ZNF276: variants seen among roughly 807,000 people sequenced by gnomAD.
The protein encoded by ZNF276 is centromere protein Z.
In ZNF276, 59 loss-of-function variants were observed where a neutral mutation model predicts 63.9. That is an observed-to-expected ratio of 0.92 (90% confidence interval 0.75 to 1.15). The LOEUF (loss-of-function observed/expected upper bound fraction) is 1.15, where lower values mean the gene tolerates loss of function less well. Ranked by LOEUF, ZNF276 falls within the 50% of genes most tolerant of loss-of-function variation. The probability of loss-of-function intolerance (pLI) is 0.00; values close to 1 mark genes in which losing one functional copy is unlikely to be tolerated. For missense variants in ZNF276, 1,084 were observed against 843.8 expected (o/e 1.28, Z -3.53); for synonymous variants, 496 against 348.4 (o/e 1.42, Z -4.72).
In ZNF276 at chr16:89,729,217, TTCTC is replaced by T; in HGVS notation, c.1086-14_1086-11del. 6.2e-7 allele frequency: 1 copy of T among 1,612,608 alleles called. No individual in the cohort carries two copies. Among genetic ancestry groups the T allele is most frequent in the Non-Finnish European group, 8.5e-7 (1 of 1,178,646 alleles). ...CCCAGGCCCAGGGCTTTGCTGAAGA[TTCTC>T]TCTTAATTCCTAGAGACGTCTTGAG... On this transcript the variant is annotated splice_polypyrimidine_tract_variant and intron_variant, in intron 5 of 10. Transcript: ENST00000443381.
Position 89,722,840 on chromosome 16 carries a change from C to A in ZNF276, c.509+6C>A, listed in dbSNP as rs764920229. The A allele has an allele frequency of 2.5e-6, 4 of 1,599,992 alleles. No individual in the cohort carries two copies. The highest frequency in any genetic ancestry group is 2.2e-5 in the East Asian group (1 of 44,868). ...CGCCGGAAGCCTTGTGCAAAGTACGCCCTAGTCTGTTCAGAGCACGTTCAG... is the reference window on the plus strand; with the variant it reads ...CGCCGGAAGCCTTGTGCAAAGTACGACCTAGTCTGTTCAGAGCACGTTCAG... On this transcript the variant is annotated splice_donor_region_variant and intron_variant, in intron 2 of 10. Coordinates refer to ENST00000443381, the MANE Select transcript of ZNF276 (RefSeq NM_001113525.2).
rs375783258 is a variant in ZNF276, at chr16:89,734,438, G to A, written c.1474+400G>A. ...CCTCCCAGGTTCAATCAATTCTCCCGCCTCAGCCTCCCAAGTAGCTGGGAT... is the reference window on the plus strand; with the variant it reads ...CCTCCCAGGTTCAATCAATTCTCCCACCTCAGCCTCCCAAGTAGCTGGGAT... On this transcript the variant is annotated intron_variant, in intron 9 of 10. Transcript: ENST00000443381. Among the ~76,000 whole-genome samples, 7 of 152,052 alleles carry A rather than the reference G, an allele frequency of 4.6e-5. No individual in the cohort carries two copies. The East Asian group carries it at 1.2e-3, about 25-fold the overall frequency.
chr16:89,722,763 C>T lies in ZNF276; in HGVS notation c.438C>T (p.Cys146=), dbSNP rs761889476. 6.2e-6 allele frequency: 10 copies of T among 1,610,692 alleles called. No individual in the cohort carries two copies. The Admixed American group carries it at 6.7e-5, about 11-fold the overall frequency. The change falls in exon 2 of 11, where the codon TGC becomes TGT. Residue 146 remains cysteine, a synonymous_variant. Coordinates refer to ENST00000443381, the MANE Select transcript of ZNF276 (RefSeq NM_001113525.2). ...GCTGCCACGCCCAGTTCTACCAGTG[C>T]CACAGCCTTCTCAAGTCCTTCCTGC... ...CKSCHAQFYQ[C]HSLLKSFLQR...
Position 89,722,664 on chromosome 16 carries a change from C to A in ZNF276, c.339C>A (p.Leu113=). 1 of 1,612,326 alleles carries A rather than the reference C, an allele frequency of 6.2e-7. No homozygotes were observed. Among genetic ancestry groups the A allele is most frequent in the Non-Finnish European group, 8.5e-7 (1 of 1,180,024 alleles). ...GGCCATCCGCAGAGGAGCGCGTGCT[C>A]GTACGGGACTTCCAGCGCCTGCTTG... ...MERPSAEERV[L]VRDFQRLLGV... The change falls in exon 2 of 11, where the codon CTC becomes CTA. Residue 113 remains leucine (L), a synonymous_variant. Coordinates refer to ENST00000443381, the MANE Select transcript of ZNF276 (RefSeq NM_001113525.2).
rs1567564437 is a variant in ZNF276, at chr16:89,723,386, T to C, written c.683T>C (p.Ile228Thr). 1 of 1,613,016 alleles carries C rather than the reference T, an allele frequency of 6.2e-7. No homozygotes were observed. Among genetic ancestry groups the C allele is most frequent in the South Asian group, 1.1e-5 (1 of 91,086 alleles). ...CTGTCCTCCGAGTACTGCGGCGTCA[T>C]CCAGGTCGTGTGGGGCTGCGACCAG... Reference protein sequence around the residue: ...RTLSSEYCGVIQVVWGCDQGH... With the variant: ...RTLSSEYCGVTQVVWGCDQGH... The change falls in exon 4 of 11, where the codon ATC (isoleucine) becomes ACC (threonine). Residue 228 changes from isoleucine to threonine, a missense_variant. By Grantham distance (89) the Ile-to-Thr change is moderately conservative. Transcript: ENST00000443381.
intron 4 of ZNF276, among the ~76,000 whole-genome samples, chr16:89,724,507 TATG>T (rs1397525868): frequency 6.6e-6 from 1 of 151,978 alleles, no homozygotes; most frequent in Non-Finnish European, 1.5e-5. Context: ...ACTAGCCAGG[TATG>T]GTGGTGGGCA....
chr16:89,733,659 A>T, intron 8 of ZNF276, 102 bp downstream of exon 8: 1 of 1,379,280 alleles, frequency 7.3e-7, no homozygotes, highest in Non-Finnish European at 1.0e-6. Flanking sequence ...GCGCCCAAGG[A>T]CACTTTGACC....
chr16:89,730,339 G>A (rs1027390088), intron 6 of ZNF276, among the ~76,000 whole-genome samples: 1 of 152,176 alleles, frequency 6.6e-6, no homozygotes, highest in South Asian at 2.1e-4. Flanking sequence ...CCCCCACTCC[G>A]TGACCCTCCG....
In ZNF276 at chr16:89,734,892, C is replaced by G. The variant is rs912893787; in HGVS notation, c.1474+854C>G. ...TGACAAACTTGGCCGGGCGTGGTGG[C>G]TCACACCTGTAATCCCAGCACTTTG... is the stretch of plus-strand genomic sequence containing the variant. On this transcript the variant is annotated intron_variant, in intron 9 of 10. Coordinates refer to ENST00000443381, the MANE Select transcript of ZNF276 (RefSeq NM_001113525.2). Among the ~76,000 whole-genome samples, 12 of 152,322 alleles carry G rather than the reference C, an allele frequency of 7.9e-5. No individual in the cohort carries two copies. The Middle Eastern group carries it at 0.014, about 173-fold the overall frequency.
intron 6 of ZNF276, chr16:89,732,934 A>AC (rs1369621313): frequency 3.2e-6 from 1 of 315,352 alleles, no homozygotes; most frequent in African/African-American, 2.7e-5. Flanking sequence ...ACCCTGCTGT[A>AC]CCCTGCGCCC....
intron 6 of ZNF276, among the ~76,000 whole-genome samples, chr16:89,731,107 G>C (rs4785592): frequency 0.38 from 58,390 of 151,848 alleles, 12,498 homozygotes; most frequent in East Asian, 0.75. Context: ...TGTGGGAACG[G>C]CATGGCCAGC....
upstream of ZNF276, chr16:89,721,276 G>A: frequency 4.3e-6 from 1 of 232,440 alleles, no homozygotes; most frequent in Non-Finnish European, 8.3e-6. Flanking sequence ...CGTCTCCCAC[G>A]GTAAGAGGCG....
Position 89,739,347 on chromosome 16 carries a change from T to G in ZNF276, c.*1101T>G. 1 of 1,605,790 alleles carries G rather than the reference T, an allele frequency of 6.2e-7. No homozygotes were observed. The highest frequency in any genetic ancestry group is 8.5e-7 in the Non-Finnish European group (1 of 1,173,458). On this transcript the variant is annotated 3_prime_UTR_variant, in exon 11 of 11. Transcript: ENST00000443381. ...AGACTGCTGGAAAGGTAGCAGGTGATGCCAAGGGATACTGCTCATCTGTGG... is the reference window on the plus strand; with the variant it reads ...AGACTGCTGGAAAGGTAGCAGGTGAGGCCAAGGGATACTGCTCATCTGTGG...
chr16:89,726,738 C>T (rs755082467), intron 4 of ZNF276, among the ~76,000 whole-genome samples: 1 of 152,070 alleles, frequency 6.6e-6, no homozygotes, highest in African/African-American at 2.4e-5. Context: ...GTCTGCCTCC[C>T]GGGTTCAAGC....
upstream of ZNF276, chr16:89,720,702 G>A (rs918425109): frequency 1.8e-5 from 24 of 1,332,246 alleles, no homozygotes; most frequent in Non-Finnish European, 2.2e-5. Context: ...CGCCCTCCCC[G>A]GGCGGGGGTC....
chr16:89,722,849 G>A lies in ZNF276; in HGVS notation c.509+15G>A, dbSNP rs746979068. On this transcript the variant is annotated intron_variant, in intron 2 of 10. Transcript: ENST00000443381. ...CCTTGTGCAAAGTACGCCCTAGTCT[G>A]TTCAGAGCACGTTCAGGCTGTCAGT... is the stretch of plus-strand genomic sequence containing the variant. The A allele has an allele frequency of 1.2e-5, 19 of 1,595,904 alleles. No homozygotes were observed. Among genetic ancestry groups the A allele is most frequent in the Non-Finnish European group, 1.6e-5 (19 of 1,176,778 alleles).
Position 89,740,825 on chromosome 16 carries a change from C to T in ZNF276, c.*2579C>T, listed in dbSNP as rs11649210. 1.2e-6 allele frequency: 2 copies of T among 1,613,250 alleles called. No individual in the cohort carries two copies. The highest frequency in any genetic ancestry group is 1.7e-6 in the Non-Finnish European group (2 of 1,179,688). On this transcript the variant is annotated 3_prime_UTR_variant, in exon 11 of 11. Transcript: ENST00000443381. ...TTACATTTGAGGTCAGATGTGACGA[C>T]AGCAGGCCCATCAAGGAGAAGAAGA...
Position 89,723,530 on chromosome 16 carries a change from G to C in ZNF276, c.827G>C (p.Gly276Ala). The C allele has an allele frequency of 6.2e-6, 10 of 1,612,838 alleles. No individual in the cohort carries two copies. The highest frequency in any genetic ancestry group is 2.2e-5 in the East Asian group (1 of 44,890). The part of the protein sequence containing the change: ...ETAPRLPQHR[G>A]WNPGDAPQTS... Reference sequence around the variant, plus strand: ...GCGCCACGGCTGCCCCAGCACCGAGGGTGGAACCCTGGGGATGCCCCTCAG... The same window carrying C: ...GCGCCACGGCTGCCCCAGCACCGAGCGTGGAACCCTGGGGATGCCCCTCAG... Residue 276 changes from glycine (G) to alanine (A), a missense_variant, in exon 4 of 11, where the codon GGG becomes GCG. By Grantham distance (60) the Gly-to-Ala change is moderately conservative. Transcript: ENST00000443381.
chr16:89,721,532 C>T, upstream of ZNF276: 2 of 1,157,266 alleles, frequency 1.7e-6, no homozygotes, highest in Non-Finnish European at 1.2e-6. Flanking sequence ...CTCCGCCCCT[C>T]CCCCGCCCCG....
Sources: allele counts gnomAD v4.1 joint callset (sites outside exome capture counted in the v4.1 genomes callset), GRCh38; gene constraint gnomAD v4.1.1; transcripts MANE v1.5; gene names NCBI Gene and HGNC (gene_info 2026-07-23, HGNC 2026-07-21).